SLC25A21: variants seen among roughly 807,000 people sequenced by gnomAD.
SLC25A21 encodes solute carrier family 25 member 21.
In SLC25A21, 47 loss-of-function variants were observed where a neutral mutation model predicts 43.8. The ratio of observed to expected loss-of-function variants is 1.07; its 90% CI spans 0.85 to 1.37. The LOEUF is 1.37. Among genes scored for constraint, SLC25A21 ranks in the 40% most tolerant of loss-of-function variants. The pLI, the probability that SLC25A21 is intolerant of heterozygous loss-of-function variation, is 0.00. For synonymous variants in SLC25A21, 131 were observed against 121.3 expected (o/e 1.08, Z -0.52); for missense variants, 352 against 350.2 (o/e 1.00, Z -0.04).
chr14:36,718,246 C>T (rs1884229156), intron 6 of SLC25A21, among the ~76,000 whole-genome samples: 2 of 152,146 alleles, frequency 1.3e-5, no homozygotes, highest in South Asian at 4.1e-4. Context: ...AGAGAGACAA[C>T]TTGGCTGCTG....
intron 3 of SLC25A21, among the ~76,000 whole-genome samples, chr14:36,739,760 C>T (rs948750966): frequency 1.3e-5 from 2 of 151,868 alleles, no homozygotes; most frequent in Admixed American, 1.3e-4. Flanking sequence ...CCAAAAGATA[C>T]ATGCCCCTCA....
At position 37,051,373 on chromosome 14, in the gene SLC25A21, G is replaced by C. The variant is rs1005992476; in HGVS notation, c.70+120908C>G. Among the ~76,000 whole-genome samples the C allele has an allele frequency of 2.6e-5, 4 of 152,142 alleles. No homozygotes were observed. The South Asian group carries it at 8.3e-4, about 31-fold the overall frequency. On this transcript the variant is annotated intron_variant, in intron 1 of 9. Coordinates refer to ENST00000331299, the MANE Select transcript of SLC25A21 (RefSeq NM_030631.4). ...GGAAACGTGACTCATGAATGTACTG[G>C]CTTCAGTGCAAGGAGAGGGAAGAAC...
rs575057984 is a variant in SLC25A21, at chr14:37,172,559, C to T, written c.-209G>A. On this transcript the variant is annotated 5_prime_UTR_variant, in exon 1 of 10. Coordinates refer to ENST00000331299, the MANE Select transcript of SLC25A21 (RefSeq NM_030631.4). ...CCGGCGCGTCGGAACCTGTTCGCAG[C>T]GCTCTCGCAGAGGCGCCCTCGGCTC... is the stretch of plus-strand genomic sequence containing the variant. 15 of 711,170 alleles carry T rather than the reference C, an allele frequency of 2.1e-5. No homozygotes were observed. In the East Asian group the frequency reaches 3.8e-4, roughly 18 times the overall value. The allele number at this position is 711,170 out of a possible 1,614,324, so 44.1% of individuals were successfully genotyped here.
At chr14:36,717,494 C>T (rs1884191795) in intron 6 of SLC25A21, among the ~76,000 whole-genome samples, 2 of 152,196 alleles carry the variant, frequency 1.3e-5, no homozygotes, top group African/African-American at 4.8e-5. Context: ...ATGTCAATAT[C>T]AAATTGCTAT....
intron 3 of SLC25A21, among the ~76,000 whole-genome samples, chr14:36,785,591 T>A (rs1887220794): frequency 6.6e-6 from 1 of 152,230 alleles, no homozygotes; most frequent in Non-Finnish European, 1.5e-5. Context: ...TCATGTGGTT[T>A]AAAACTACAA....
intron 6 of SLC25A21, among the ~76,000 whole-genome samples, chr14:36,719,601 A>T (rs1884294150): frequency 6.6e-6 from 1 of 152,194 alleles, no homozygotes; most frequent in African/African-American, 2.4e-5. Context: ...ACTGGCCAAG[A>T]CACTGGTATT....
At chr14:37,149,568 G>A (rs142465075) in intron 1 of SLC25A21, among the ~76,000 whole-genome samples, 1,564 of 152,098 alleles carry the variant, frequency 0.01, 16 homozygotes, top group Non-Finnish European at 0.015. Context: ...GGTGGTGGGC[G>A]CCTGTAGTCC....
intron 3 of SLC25A21, among the ~76,000 whole-genome samples, chr14:36,781,458 G>A (rs1475840561): frequency 1.3e-5 from 2 of 152,062 alleles, no homozygotes; most frequent in Non-Finnish European, 2.9e-5. Context: ...AGTGGTATGT[G>A]TTGATTTCTT....
At chr14:37,168,527 C>G (rs555326931) in intron 1 of SLC25A21, among the ~76,000 whole-genome samples, 81 of 152,074 alleles carry the variant, frequency 5.3e-4, no homozygotes, top group African/African-American at 1.9e-3. Context: ...CCCTGAGGTT[C>G]CCCACCTCAC....
intron 1 of SLC25A21, among the ~76,000 whole-genome samples, chr14:37,162,791 G>T (rs533851052): frequency 6.6e-6 from 1 of 152,090 alleles, no homozygotes; most frequent in East Asian, 1.9e-4. Flanking sequence ...CCATTACTGG[G>T]TATATACCCA....
At chr14:36,715,946 C>T (rs1884112301) in intron 6 of SLC25A21, among the ~76,000 whole-genome samples, 1 of 151,996 alleles carries the variant, frequency 6.6e-6, no homozygotes, top group Admixed American at 6.6e-5. Context: ...CAAAAAGTAG[C>T]TGGGCATGGT....
At chr14:36,885,678 T>TATG (rs1163064707) in intron 1 of SLC25A21, among the ~76,000 whole-genome samples, 1 of 152,228 alleles carries the variant, frequency 6.6e-6, no homozygotes, top group Non-Finnish European at 1.5e-5. Flanking sequence ...TTTGAGTCTG[T>TATG]ATGTATCCTG....
At position 36,679,523 on chromosome 14, in the gene SLC25A21, C is replaced by CAA. The variant is rs1448697553; in HGVS notation, c.*1133_*1134dup. ...TCATCTCTGGATGCAGATATAAAAT[C>CAA]AAGTTTGGTTACATCAAGACCAAGG... On this transcript the variant is annotated 3_prime_UTR_variant, in exon 10 of 10. Coordinates refer to ENST00000331299, the MANE Select transcript of SLC25A21 (RefSeq NM_030631.4). 4.1e-6 allele frequency: 4 copies of CAA among 985,246 alleles called. No homozygotes were observed. Among genetic ancestry groups the CAA allele is most frequent in the African/African-American group, 1.7e-5 (1 of 57,222 alleles). The allele number at this position is 985,246 out of a possible 1,614,324, so 61.0% of individuals were successfully genotyped here.
chr14:36,821,746 C>T (rs954202449), intron 2 of SLC25A21, among the ~76,000 whole-genome samples: 9 of 152,230 alleles, frequency 5.9e-5, no homozygotes, highest in African/African-American at 1.9e-4. Flanking sequence ...GAACCCAGGA[C>T]ATGGAGGTTG....
intron 7 of SLC25A21, among the ~76,000 whole-genome samples, chr14:36,696,802 C>G (rs1883044215): frequency 6.6e-6 from 1 of 151,582 alleles, no homozygotes; most frequent in Non-Finnish European, 1.5e-5. Flanking sequence ...TCTCTCTTTT[C>G]TTCTTTATTA....
chr14:36,696,106 G>T (rs375412381), intron 7 of SLC25A21, among the ~76,000 whole-genome samples: 30 of 152,196 alleles, frequency 2.0e-4, no homozygotes, highest in African/African-American at 6.5e-4. Context: ...TATTGAGAGT[G>T]TTTAGCATGA....
intron 1 of SLC25A21, among the ~76,000 whole-genome samples, chr14:36,886,506 T>C (rs1157834247): frequency 6.6e-6 from 1 of 152,226 alleles, no homozygotes; most frequent in African/African-American, 2.4e-5. Context: ...TTCCTCACTG[T>C]ATACTCCCTA....
At chr14:36,779,158 CTTCT>C (rs140372109) in intron 3 of SLC25A21, among the ~76,000 whole-genome samples, 6,670 of 148,386 alleles carry the variant, frequency 0.045, 511 homozygotes, top group African/African-American at 0.16. Flanking sequence ...TCCTCCTTTT[CTTCT>C]TTAAGGCTGG....
chr14:37,172,424 C>A lies in SLC25A21; in HGVS notation c.-74G>T. The A allele has an allele frequency of 6.9e-7, 1 of 1,457,760 alleles. No individual in the cohort carries two copies. The highest frequency in any genetic ancestry group is 2.5e-5 in the East Asian group (1 of 40,554). The allele number at this position is 1,457,760 out of a possible 1,614,324, so 90.3% of individuals were successfully genotyped here. On this transcript the variant is annotated 5_prime_UTR_variant, in exon 1 of 10. Transcript: ENST00000331299. ...CTCGCAGCCTGCACAGCCTACTGAT[C>A]CAGAGAGCCCCGGCTGGGCTGGTCC... is the stretch of plus-strand genomic sequence containing the variant.
Sources: gnomAD v4.1 joint callset for allele counts (sites outside exome capture counted in the v4.1 genomes callset) on GRCh38, gnomAD v4.1.1 for gene constraint, MANE v1.5 for transcripts, NCBI Gene and HGNC (gene_info 2026-07-23, HGNC 2026-07-21) for gene names.